Variants in FKBP9 observed in about 807,000 individuals in gnomAD.
FKBP9 encodes the protein FKBP prolyl isomerase 9, also known as peptidyl-prolyl cis-trans isomerase FKBP9.
A neutral mutation model predicts 55.6 loss-of-function variants in FKBP9; 27 were observed. The ratio of observed to expected loss-of-function variants is 0.49; its 90% CI spans 0.36 to 0.67. The LOEUF is 0.67. Among genes scored for constraint, FKBP9 ranks in the 30% least tolerant of loss-of-function variants. The pLI is 0.00. For synonymous variants in FKBP9, 267 were observed against 296.5 expected (o/e 0.90, Z 1.02); for missense variants, 539 against 742.8 (o/e 0.73, Z 3.19).
In FKBP9 at chr7:33,002,806, C is replaced by T. The variant is rs1417091599; in HGVS notation, c.1503C>T (p.Asp501=). The change falls in exon 9 of 10, where the codon GAC becomes GAT. Residue 501 remains aspartate (D), a synonymous_variant. Transcript: ENST00000242209. ...EVSPNLFEEI[D]KDGNGEVLLE... is the part of the protein sequence containing the mutation. ...CACCCAACCTCTTTGAAGAAATTGA[C>T]AAGGATGGCAACGGAGAAGTCCTCC... 1 of 1,614,136 alleles carries T rather than the reference C, an allele frequency of 6.2e-7. No homozygotes were observed.
At chr7:33,002,214 A>G (rs1273034479) in intron 8 of FKBP9, among the ~76,000 whole-genome samples, 1 of 151,952 alleles carries the variant, frequency 6.6e-6, no homozygotes, top group East Asian at 1.9e-4. Context: ...GCTCACTGCA[A>G]TGTTTGCCTC....
intron 5 of FKBP9, among the ~76,000 whole-genome samples, chr7:32,981,966 A>G (rs1477575077): frequency 6.8e-6 from 1 of 147,236 alleles, no homozygotes; most frequent in African/African-American, 2.5e-5. Flanking sequence ...TGTCTCCCCT[A>G]CCCCTTAGAG....
chr7:32,963,456 G>T (rs1216524163), intron 1 of FKBP9: 14 of 446,312 alleles, frequency 3.1e-5, no homozygotes, highest in Admixed American at 4.3e-5. Flanking sequence ...CTCAGTGGAT[G>T]GACTGATAGT....
chr7:33,006,636 G>A lies in FKBP9; in HGVS notation c.*1285G>A, dbSNP rs908138809. 3.4e-4 allele frequency: 72 copies of A among 214,244 alleles called. 1 individual carries two copies. The highest frequency in any genetic ancestry group is 2.3e-4 in the Admixed American group (4 of 17,090). The allele number at this position is 214,244 out of a possible 1,614,324, so 13.3% of individuals were successfully genotyped here. On this transcript the variant is annotated 3_prime_UTR_variant, in exon 10 of 10. Coordinates refer to ENST00000242209, the MANE Select transcript of FKBP9 (RefSeq NM_007270.5). ...GCCCATTTGTGTCCTGGAGACGGTG[G>A]TACCCTGAAGGCAGAGGCCAGCTGC...
chr7:32,996,743 CTTTCTT>C (rs1260116521), intron 7 of FKBP9, among the ~76,000 whole-genome samples: 1 of 21,904 alleles, frequency 4.6e-5, no homozygotes, highest in African/African-American at 2.0e-4. Context: ...TCCTTCCTTT[CTTTCTT>C]TTTTTTTTTT....
chr7:32,985,458 G>GTA (rs201915202), intron 5 of FKBP9, among the ~76,000 whole-genome samples: 9,844 of 151,774 alleles, frequency 0.065, 435 homozygotes, highest in East Asian at 0.2. Flanking sequence ...GGGATTACAG[G>GTA]TGTAACCCAC....
chr7:32,963,841 T>G (rs1412043380), intron 1 of FKBP9: 1 of 1,039,560 alleles, frequency 9.6e-7, no homozygotes, highest in East Asian at 3.2e-5. Context: ...CTGGACTTTC[T>G]CACTTCTAGG....
intron 7 of FKBP9, among the ~76,000 whole-genome samples, chr7:32,997,046 G>A (rs1784812761): frequency 2.0e-5 from 3 of 150,852 alleles, no homozygotes; most frequent in South Asian, 2.1e-4. Context: ...CACCCGCCTC[G>A]GCCTCCCAAA....
At chr7:33,004,220 G>A (rs1562578155) in intron 9 of FKBP9, among the ~76,000 whole-genome samples, 1 of 151,990 alleles carries the variant, frequency 6.6e-6, no homozygotes, top group Non-Finnish European at 1.5e-5. Context: ...CTCTTTCCCG[G>A]GTCACACACA....
At chr7:32,959,179 G>C (rs1271417504) in intron 1 of FKBP9, among the ~76,000 whole-genome samples, 1 of 152,112 alleles carries the variant, frequency 6.6e-6, no homozygotes, top group African/African-American at 2.4e-5. Context: ...GCCGAGGCGG[G>C]CGGATCACGA....
chr7:32,972,689 C>T (rs71532546), intron 1 of FKBP9, among the ~76,000 whole-genome samples: 21,457 of 151,956 alleles, frequency 0.14, 1,584 homozygotes, highest in Middle Eastern at 0.25. Context: ...AAGTTGAAAA[C>T]GGAGTGATTT....
At chr7:32,997,797 C>CA in intron 7 of FKBP9, among the ~76,000 whole-genome samples, 1 of 152,166 alleles carries the variant, frequency 6.6e-6, no homozygotes, top group Non-Finnish European at 1.5e-5. Context: ...TGCTGCACTG[C>CA]AGCCTGAGCA....
At position 32,995,482 on chromosome 7, in the gene FKBP9, C is replaced by T. The variant is rs1198251992; in HGVS notation, c.1040-681C>T. ...CCATGCCTACCCCATAAGGTTGCTG[C>T]AGGGATTTAAAGGGAAAATGTAGGT... On this transcript the variant is annotated intron_variant, in intron 6 of 9. Coordinates refer to ENST00000242209, the MANE Select transcript of FKBP9 (RefSeq NM_007270.5). Among the ~76,000 whole-genome samples the T allele has an allele frequency of 2.6e-5, 4 of 152,214 alleles. No homozygotes were observed. The East Asian group carries it at 7.7e-4, about 29-fold the overall frequency.
intron 1 of FKBP9, among the ~76,000 whole-genome samples, chr7:32,959,045 A>G (rs969121465): frequency 1.3e-5 from 2 of 152,150 alleles, no homozygotes; most frequent in Non-Finnish European, 2.9e-5. Context: ...GCTGTTCAGC[A>G]TAGTATGTGG....
chr7:32,999,737 G>T (rs1423944264), intron 7 of FKBP9, among the ~76,000 whole-genome samples: 2 of 152,076 alleles, frequency 1.3e-5, no homozygotes, highest in African/African-American at 4.8e-5. Flanking sequence ...AAAAGCCAGG[G>T]TTTTTTGTCT....
intron 1 of FKBP9, among the ~76,000 whole-genome samples, chr7:32,965,082 G>A (rs1356290023): frequency 6.6e-6 from 1 of 152,218 alleles, no homozygotes; most frequent in Non-Finnish European, 1.5e-5. Context: ...CAGTGGACTT[G>A]TTCTTCCTTA....
chr7:32,961,765 C>T (rs113280349), intron 1 of FKBP9, among the ~76,000 whole-genome samples: 13,177 of 151,486 alleles, frequency 0.087, 618 homozygotes, highest in East Asian at 0.19. Flanking sequence ...GGCACATGAA[C>T]CCTATTGTGT....
chr7:33,003,975 C>G (rs1222849242), intron 9 of FKBP9, among the ~76,000 whole-genome samples: 4 of 151,958 alleles, frequency 2.6e-5, no homozygotes, highest in Non-Finnish European at 5.9e-5. Flanking sequence ...CTGCTATCCA[C>G]CCGCACACCC....
intron 1 of FKBP9, among the ~76,000 whole-genome samples, chr7:32,959,447 A>C (rs986941621): frequency 6.6e-6 from 1 of 152,144 alleles, no homozygotes; most frequent in African/African-American, 2.4e-5. Flanking sequence ...CAAAAAAAAC[A>C]GCTTTATTGA....
Sources: allele counts gnomAD v4.1 joint callset (sites outside exome capture counted in the v4.1 genomes callset), GRCh38; gene constraint gnomAD v4.1.1; transcripts MANE v1.5; gene names NCBI Gene and HGNC (gene_info 2026-07-23, HGNC 2026-07-21).